Variants in ARHGAP18 observed in about 807,000 individuals in gnomAD.
ARHGAP18 encodes the protein Rho GTPase activating protein 18.
ARHGAP18 carries 67 observed loss-of-function variants against 86.2 expected under a neutral mutation model. That is an observed-to-expected ratio of 0.78 (90% CI 0.64 to 0.95). The LOEUF (loss-of-function observed/expected upper bound fraction) is 0.95. ARHGAP18 is among the 40% of genes least tolerant of loss of function. The pLI, the probability that ARHGAP18 is intolerant of heterozygous loss-of-function variation, is 0.00. For missense variants in ARHGAP18, 691 were observed against 780.4 expected (o/e 0.89, Z 1.37); for synonymous variants, 283 against 280.4 (o/e 1.01, Z -0.09).
At chr6:129,682,127 A>G (rs1270819820) in intron 1 of ARHGAP18, among the ~76,000 whole-genome samples, 6 of 152,252 alleles carry the variant, frequency 3.9e-5, no homozygotes, top group Admixed American at 1.3e-4. Context: ...GAAAGCAGAT[A>G]TTACGTCAAT....
At chr6:129,662,521 TCTC>T (rs913927468) in intron 1 of ARHGAP18, among the ~76,000 whole-genome samples, 1 of 152,252 alleles carries the variant, frequency 6.6e-6, no homozygotes, top group Non-Finnish European at 1.5e-5. Context: ...AAGCAGTTCT[TCTC>T]CTGTAATACA....
intron 1 of ARHGAP18, among the ~76,000 whole-genome samples, chr6:129,685,036 G>A (rs536757395): frequency 4.5e-4 from 68 of 152,266 alleles, no homozygotes; most frequent in African/African-American, 1.5e-3. Flanking sequence ...CTCCGGCGGT[G>A]GACACTGGAC....
intron 5 of ARHGAP18, among the ~76,000 whole-genome samples, chr6:129,625,583 T>C (rs1309994417): frequency 6.7e-5 from 5 of 74,608 alleles, no homozygotes; most frequent in African/African-American, 2.6e-4. Flanking sequence ...ATACATTATA[T>C]ATTATATATT....
intron 11 of ARHGAP18, 75 bp downstream of exon 11, chr6:129,600,567 A>C: frequency 7.9e-7 from 1 of 1,263,042 alleles, no homozygotes; most frequent in Non-Finnish European, 1.1e-6. Flanking sequence ...TTTAAATGTA[A>C]ATTAATAAAG....
At chr6:129,631,776 G>T (rs1000544210) in intron 4 of ARHGAP18, among the ~76,000 whole-genome samples, 4 of 143,112 alleles carry the variant, frequency 2.8e-5, no homozygotes, top group African/African-American at 1.0e-4. Context: ...AAAAAAAAAA[G>T]ATTTTTCTTT....
chr6:129,705,167 T>C (rs1415212574), intron 1 of ARHGAP18, among the ~76,000 whole-genome samples: 3 of 152,202 alleles, frequency 2.0e-5, no homozygotes, highest in Non-Finnish European at 4.4e-5. Context: ...TTTAAACAAT[T>C]GCCTGACACA....
At chr6:129,609,964 G>T (rs554674166) in intron 8 of ARHGAP18, among the ~76,000 whole-genome samples, 1 of 151,254 alleles carries the variant, frequency 6.6e-6, no homozygotes, top group East Asian at 1.9e-4. Flanking sequence ...TTAGAAGCAG[G>T]CCAGGACAGT....
At chr6:129,636,778 G>A (rs1235164744) in intron 3 of ARHGAP18, among the ~76,000 whole-genome samples, 2 of 152,200 alleles carry the variant, frequency 1.3e-5, no homozygotes, top group African/African-American at 4.8e-5. Context: ...CTCCGAGGCT[G>A]AGGCAGGAGA....
At position 129,576,690 on chromosome 6, in the gene ARHGAP18, T is replaced by C. The variant is rs1788181910; in HGVS notation, c.*1823A>G. The C allele has an allele frequency of 6.6e-6, 1 of 152,172 alleles. No homozygotes were observed. Among genetic ancestry groups the C allele is most frequent in the South Asian group, 2.1e-4 (1 of 4,826 alleles). The allele number at this position is 152,172 out of a possible 1,614,324, so 9.4% of individuals were successfully genotyped here. On this transcript the variant is annotated 3_prime_UTR_variant, in exon 15 of 15. Coordinates refer to ENST00000368149, the MANE Select transcript of ARHGAP18 (RefSeq NM_033515.3). ...GTTGCGAAATTTAGTTGGCATATGC[T>C]TCAGACAACCTTTTACTTAAATCAT...
chr6:129,678,125 G>C (rs6569620), intron 1 of ARHGAP18, among the ~76,000 whole-genome samples: 77,903 of 152,004 alleles, frequency 0.51, 20,831 homozygotes, highest in African/African-American at 0.67. Context: ...TACCAGCTCA[G>C]CCTGGGGAAG....
chr6:129,709,676 C>A (rs960579705), intron 1 of ARHGAP18, among the ~76,000 whole-genome samples: 1 of 152,214 alleles, frequency 6.6e-6, no homozygotes, highest in Non-Finnish European at 1.5e-5. Flanking sequence ...GTGCCTTGAG[C>A]CCATTCAAGA....
At chr6:129,640,683 G>A (rs912384674) in intron 2 of ARHGAP18, among the ~76,000 whole-genome samples, 4 of 152,168 alleles carry the variant, frequency 2.6e-5, no homozygotes, top group Non-Finnish European at 5.9e-5. Context: ...TATTTATATA[G>A]ATTTTGCTAG....
At chr6:129,676,437 A>G (rs1774232538) in intron 1 of ARHGAP18, among the ~76,000 whole-genome samples, 1 of 152,094 alleles carries the variant, frequency 6.6e-6, no homozygotes, top group African/African-American at 2.4e-5. Flanking sequence ...AGTATATGAA[A>G]CCATCAAACT....
intron 1 of ARHGAP18, among the ~76,000 whole-genome samples, chr6:129,665,869 AC>A (rs1774026525): frequency 6.6e-6 from 1 of 152,176 alleles, no homozygotes. Context: ...TGAATGAGAT[AC>A]GTACATAAAA....
At chr6:129,580,372 T>C (rs565008901) in intron 13 of ARHGAP18, among the ~76,000 whole-genome samples, 1 of 152,196 alleles carries the variant, frequency 6.6e-6, no homozygotes, top group Non-Finnish European at 1.5e-5. Context: ...AGTAAACCAG[T>C]ATCTAAATTT....
rs1264855504 is a variant in ARHGAP18 at position 129,634,120 on chromosome 6, C to A, written c.553-15G>T. 8 of 1,611,648 alleles carry A rather than the reference C, an allele frequency of 5.0e-6. No homozygotes were observed. The highest frequency in any genetic ancestry group is 3.4e-5 in the Admixed American group (2 of 59,692). On this transcript the variant is annotated splice_polypyrimidine_tract_variant and intron_variant, in intron 3 of 14. Transcript: ENST00000368149. ...CCACCTGGAGCCTAAACATAGAAAA[C>A]AGGCCATTTAGTCATCTCCAACTCA... is the stretch of plus-strand genomic sequence containing the variant.
intron 1 of ARHGAP18, among the ~76,000 whole-genome samples, chr6:129,701,615 C>A (rs1774712379): frequency 6.6e-6 from 1 of 151,986 alleles, no homozygotes; most frequent in Non-Finnish European, 1.5e-5. Context: ...ACTAAAAATA[C>A]AAAAATTAGC....
Position 129,704,369 on chromosome 6 carries a change from T to C in ARHGAP18, c.113+5655A>G, listed in dbSNP as rs150969652. Among the ~76,000 whole-genome samples, 856 of 152,070 alleles carry C rather than the reference T, an allele frequency of 5.6e-3. 10 individuals carry two copies. The highest frequency in any genetic ancestry group is 0.02 in the African/African-American group (824 of 41,462). On this transcript the variant is annotated intron_variant, in intron 1 of 14. Transcript: ENST00000368149. The stretch of plus-strand genomic sequence containing the variant: ...CTGAGGCATGAGAATCGCTTGAACC[T>C]GGGAGGTGGAGGCTGCAGTGTGCCA...
chr6:129,579,861 T>C (rs565301432), intron 14 of ARHGAP18, among the ~76,000 whole-genome samples: 3 of 152,158 alleles, frequency 2.0e-5, no homozygotes, highest in Non-Finnish European at 2.9e-5. Flanking sequence ...TTTGCTGAAA[T>C]TGAACATAGA....
Sources: allele counts gnomAD v4.1 joint callset (sites outside exome capture counted in the v4.1 genomes callset), GRCh38; gene constraint gnomAD v4.1.1; transcripts MANE v1.5; gene names NCBI Gene and HGNC (gene_info 2026-07-23, HGNC 2026-07-21).